Variants in PCDHGA10 observed in about 807,000 individuals in gnomAD.
The protein encoded by PCDHGA10 is protocadherin gamma-A10.
Under a neutral mutation model 59.5 loss-of-function variants are expected in PCDHGA10, and 42 were observed. The ratio of observed to expected loss-of-function variants is 0.71; its 90% CI spans 0.55 to 0.91. The LOEUF (loss-of-function observed/expected upper bound fraction) is 0.91, where lower values mean the gene tolerates loss of function less well. PCDHGA10 is among the 40% of genes least tolerant of loss of function. The pLI is 0.00. For synonymous variants in PCDHGA10, 511 were observed against 517.2 expected (o/e 0.99, Z 0.16); for missense variants, 1,111 against 1,198.2 (o/e 0.93, Z 1.07).
intron 1 of PCDHGA10, chr5:141,441,702 A>G: frequency 3.2e-6 from 1 of 309,906 alleles, no homozygotes. Context: ...GCGAGCCTTC[A>G]AGCTCACGCT....
intron 1 of PCDHGA10, chr5:141,420,925 G>A: frequency 2.8e-6 from 1 of 355,536 alleles, no homozygotes; most frequent in Non-Finnish European, 5.1e-6. Context: ...TCACAAAGGT[G>A]AGCGTAATCA....
intron 3 of PCDHGA10, among the ~76,000 whole-genome samples, chr5:141,509,068 G>A (rs1267011061): frequency 6.6e-6 from 1 of 152,144 alleles, no homozygotes; most frequent in Non-Finnish European, 1.5e-5. Flanking sequence ...TCTCAGCTCC[G>A]GGGATTTGCG....
At chr5:141,417,710 TC>T (rs1471403767) in intron 1 of PCDHGA10, 1 of 1,249,228 alleles carries the variant, frequency 8.0e-7, no homozygotes, top group Non-Finnish European at 1.1e-6. Flanking sequence ...ACACAGAGGC[TC>T]CCGGCTGCGC....
intron 1 of PCDHGA10, chr5:141,419,444 G>A: frequency 6.2e-7 from 1 of 1,613,088 alleles, no homozygotes; most frequent in Non-Finnish European, 8.5e-7. Context: ...GCGCACCTTC[G>A]AGCTCACGCT....
chr5:141,453,609 G>A (rs1208329212), intron 1 of PCDHGA10, among the ~76,000 whole-genome samples: 3 of 151,900 alleles, frequency 2.0e-5, no homozygotes, highest in South Asian at 4.2e-4. Context: ...TTTGCAAAAC[G>A]CAAAAACAAA....
At chr5:141,494,223 C>T (rs1435042163) in intron 1 of PCDHGA10, among the ~76,000 whole-genome samples, 2 of 152,192 alleles carry the variant, frequency 1.3e-5, no homozygotes, top group African/African-American at 4.8e-5. Context: ...TGGCATGACT[C>T]CTAAATTAAT....
At chr5:141,450,134 G>A (rs1267554616) in intron 1 of PCDHGA10, among the ~76,000 whole-genome samples, 1 of 151,424 alleles carries the variant, frequency 6.6e-6, no homozygotes, top group East Asian at 2.0e-4. Context: ...AGCCTCCTGA[G>A]TAGCTGGGAC....
chr5:141,423,456 C>T, intron 1 of PCDHGA10: 1 of 1,613,924 alleles, frequency 6.2e-7, no homozygotes, highest in Non-Finnish European at 8.5e-7. Context: ...ATTTTGTAGG[C>T]GTGGACGGGG....
At chr5:141,456,504 T>G (rs781368588) in intron 1 of PCDHGA10, among the ~76,000 whole-genome samples, 1 of 152,148 alleles carries the variant, frequency 6.6e-6, no homozygotes, top group Non-Finnish European at 1.5e-5. Context: ...GGTTAACCAA[T>G]TCCATAAAGA....
At chr5:141,445,427 C>G (rs964779092) in intron 1 of PCDHGA10, among the ~76,000 whole-genome samples, 4 of 152,152 alleles carry the variant, frequency 2.6e-5, no homozygotes, top group African/African-American at 9.7e-5. Flanking sequence ...ATATGCAAGG[C>G]ACTGACCTAT....
At position 141,489,077 on chromosome 5, in the gene PCDHGA10, C is replaced by T. The variant is rs957205894; in HGVS notation, c.2437-5730C>T. 7 of 325,682 alleles carry T rather than the reference C, an allele frequency of 2.1e-5. 1 individual carries two copies. Among genetic ancestry groups the T allele is most frequent in the South Asian group, 1.5e-4 (3 of 20,214 alleles). 20.2% of individuals were successfully genotyped at this position (325,682 alleles called of 1,614,324 possible). The stretch of plus-strand genomic sequence containing the variant: ...AGCTCCCCTCCCCCCTGCCCACCCC[C>T]GCCACTCGGTGACTAAGAACTGCTG... On this transcript the variant is annotated intron_variant, in intron 1 of 3. Transcript: ENST00000398610. This position sits in a 1 kb window ranked among gnomAD's most constrained non-coding sequence, Gnocchi z 4.5.
intron 1 of PCDHGA10, chr5:141,424,478 G>A (rs953233220): frequency 3.3e-5 from 5 of 151,898 alleles, no homozygotes; most frequent in Admixed American, 6.6e-5. Context: ...CTTTTACTTT[G>A]GTGTCTGTGT....
At chr5:141,494,445 A>G (rs1424475551) in intron 1 of PCDHGA10, among the ~76,000 whole-genome samples, 1 of 152,158 alleles carries the variant, frequency 6.6e-6, no homozygotes, top group East Asian at 1.9e-4. Flanking sequence ...TTGCCACTTT[A>G]GGGGGCTTTG....
chr5:141,496,737 C>T (rs900394639), intron 2 of PCDHGA10, among the ~76,000 whole-genome samples: 9 of 152,168 alleles, frequency 5.9e-5, no homozygotes, highest in African/African-American at 2.2e-4. Context: ...TTCATTCGTT[C>T]ATTTATTCAA....
At chr5:141,497,212 G>C (rs968445663) in intron 2 of PCDHGA10, among the ~76,000 whole-genome samples, 2 of 151,018 alleles carry the variant, frequency 1.3e-5, no homozygotes, top group East Asian at 3.9e-4. Context: ...AGTGTAATGG[G>C]GGGGGGAAGA....
intron 1 of PCDHGA10, chr5:141,478,866 C>T (rs1392885307): frequency 1.5e-6 from 2 of 1,304,352 alleles, no homozygotes; most frequent in Non-Finnish European, 2.0e-6. Flanking sequence ...TCTCAGCGAT[C>T]AGAGTTTAGC....
At chr5:141,442,033 G>T (rs2098292928) in intron 1 of PCDHGA10, 1 of 209,534 alleles carries the variant, frequency 4.8e-6, no homozygotes, top group Non-Finnish European at 9.8e-6. Context: ...AAAGCGACTC[G>T]CCAGCGCCTA....
chr5:141,413,140 A>G lies in PCDHGA10; in HGVS notation c.-36A>G. 1.3e-6 allele frequency: 2 copies of G among 1,563,150 alleles called. No homozygotes were observed. Among genetic ancestry groups the G allele is most frequent in the Non-Finnish European group, 1.7e-6 (2 of 1,154,428 alleles). On this transcript the variant is annotated 5_prime_UTR_variant, in exon 1 of 4. Transcript: ENST00000398610. ...ACCGGTTGAAACACACAACGTGTCC[A>G]GTGAGGACTTTGCAGAATTCTGTAA... is the stretch of plus-strand genomic sequence containing the variant.
In PCDHGA10 at chr5:141,414,483, A is replaced by G. The variant is rs756254490; in HGVS notation, c.1308A>G (p.Leu436=). 20 of 1,613,826 alleles carry G rather than the reference A, an allele frequency of 1.2e-5. No homozygotes were observed. In the Admixed American group the frequency reaches 1.8e-4, roughly 15 times the overall value. ...VTATDGGSPP[L]STEAHFMLQV... ...CCACAGATGGGGGAAGTCCTCCTCT[A>G]TCAACGGAAGCTCACTTTATGCTAC... The change falls in exon 1 of 4, where the codon CTA becomes CTG. Residue 436 remains leucine (L), a synonymous_variant. Transcript: ENST00000398610.
Sources: gnomAD v4.1 joint callset for allele counts (sites outside exome capture counted in the v4.1 genomes callset) on GRCh38, gnomAD v4.1.1 for gene constraint, Gnocchi (gnomAD v3.1) non-coding constraint, MANE v1.5 for transcripts, NCBI Gene and HGNC (gene_info 2026-07-23, HGNC 2026-07-21) for gene names.